STPG1: variants seen among roughly 807,000 people sequenced by gnomAD.
STPG1 encodes O(6)-methylguanine-induced apoptosis 2.
In STPG1, 33 loss-of-function variants were observed where a neutral mutation model predicts 40.1. The ratio of observed to expected loss-of-function variants is 0.82; its 90% CI spans 0.62 to 1.10. STPG1 has a LOEUF of 1.10. STPG1 is among the 50% of genes least tolerant of loss of function. The probability of loss-of-function intolerance (pLI) is 0.00; values close to 1 mark genes in which losing one functional copy is unlikely to be tolerated. For missense variants in STPG1, 396 were observed against 415.1 expected (o/e 0.95, Z 0.40); for synonymous variants, 150 against 155.0 (o/e 0.97, Z 0.24).
At chr1:24,378,583 A>AC (rs1282708303) in intron 5 of STPG1, among the ~76,000 whole-genome samples, 1 of 152,174 alleles carries the variant, frequency 6.6e-6, no homozygotes, top group Non-Finnish European at 1.5e-5. Flanking sequence ...TGCAGATTGC[A>AC]CCACTGCTCT....
chr1:24,383,745 C>A lies in STPG1; in HGVS notation c.291+157G>T. 2.1e-5 allele frequency: 12 copies of A among 583,512 alleles called. 1 individual carries two copies. In the South Asian group the frequency reaches 2.4e-4, roughly 12 times the overall value. 36.1% of individuals were successfully genotyped at this position (583,512 alleles called of 1,614,324 possible). On this transcript the variant is annotated intron_variant, in intron 4 of 8. Transcript: ENST00000337248. ...AAAAAGTTACTTAGAGACACAGGGTCCAATTTACTTGCATGAAATTTGAGG... is the reference window on the plus strand; with the variant it reads ...AAAAAGTTACTTAGAGACACAGGGTACAATTTACTTGCATGAAATTTGAGG...
At chr1:24,397,311 A>AT (rs1178641325) in intron 2 of STPG1, among the ~76,000 whole-genome samples, 1 of 152,210 alleles carries the variant, frequency 6.6e-6, no homozygotes, top group Non-Finnish European at 1.5e-5. Context: ...AAACCTGAAC[A>AT]AAACTATTAC....
chr1:24,367,471 AG>A (rs1226992503), intron 7 of STPG1, among the ~76,000 whole-genome samples: 1 of 152,228 alleles, frequency 6.6e-6, no homozygotes, highest in Non-Finnish European at 1.5e-5. Context: ...ATAGCCTAGT[AG>A]GTCTATAGGA....
chr1:24,396,299 C>CTATCTATCT (rs58386447), intron 2 of STPG1, among the ~76,000 whole-genome samples: 2 of 144,356 alleles, frequency 1.4e-5, no homozygotes, highest in African/African-American at 5.7e-5. Flanking sequence ...ATCTATCTAT[C>CTATCTATCT]ATCTATCTAT....
chr1:24,375,148 C>T lies in STPG1; in HGVS notation c.463-1338G>A, dbSNP rs76752799. On this transcript the variant is annotated intron_variant, in intron 5 of 8. Coordinates refer to ENST00000337248, the MANE Select transcript of STPG1 (RefSeq NM_001199013.2). The stretch of plus-strand genomic sequence containing the variant: ...AGAATTCTGGCCAACTCACGAAATA[C>T]ATTTGAGAGTGCGCGATGTGTTCAG... Among the ~76,000 whole-genome samples, 555 of 152,318 alleles carry T rather than the reference C, an allele frequency of 3.6e-3. 6 individuals are homozygous for T. The highest frequency in any genetic ancestry group is 0.012 in the African/African-American group (512 of 41,568).
chr1:24,370,244 T>C (rs1447019823), intron 6 of STPG1, among the ~76,000 whole-genome samples: 3 of 152,200 alleles, frequency 2.0e-5, no homozygotes, highest in Non-Finnish European at 4.4e-5. Flanking sequence ...AGAGTTGTTA[T>C]GACAGTTGAA....
chr1:24,383,062 T>C (rs1261855151), intron 4 of STPG1, among the ~76,000 whole-genome samples: 3 of 151,892 alleles, frequency 2.0e-5, no homozygotes, highest in Non-Finnish European at 4.4e-5. Flanking sequence ...TCGACACACA[T>C]CACCACTCCT....
intron 1 of STPG1, among the ~76,000 whole-genome samples, chr1:24,411,075 T>C (rs565387538): frequency 6.6e-6 from 1 of 152,304 alleles, no homozygotes; most frequent in Admixed American, 6.5e-5. Flanking sequence ...TATCCTGCAG[T>C]AGGCTTGTAT....
At chr1:24,379,884 G>C (rs1255566711) in intron 4 of STPG1, 61 bp from the exon 5 acceptor site, 2 of 1,541,930 alleles carry the variant, frequency 1.3e-6, no homozygotes, top group Non-Finnish European at 1.8e-6. Flanking sequence ...CTGAAGGACA[G>C]ATGTCAAAAA....
chr1:24,409,395 C>A (rs1283802906), intron 1 of STPG1, among the ~76,000 whole-genome samples: 1 of 152,156 alleles, frequency 6.6e-6, no homozygotes, highest in African/African-American at 2.4e-5. Flanking sequence ...TCATTTACCA[C>A]CCCTCAGTGT....
intron 3 of STPG1, among the ~76,000 whole-genome samples, chr1:24,388,614 G>A (rs1163601238): frequency 6.6e-6 from 1 of 152,188 alleles, no homozygotes; most frequent in Non-Finnish European, 1.5e-5. Context: ...GTGCTAAGGT[G>A]GGCCACAGGA....
chr1:24,387,128 G>A (rs149280939), intron 3 of STPG1, among the ~76,000 whole-genome samples: 1 of 152,316 alleles, frequency 6.6e-6, no homozygotes, highest in Non-Finnish European at 1.5e-5. Flanking sequence ...GCCTGTTGAA[G>A]TGCCCTGCGT....
In STPG1 at chr1:24,358,580, AG is replaced by A; in HGVS notation, c.967del (p.Leu323SerfsTer47). The A allele has an allele frequency of 6.2e-7, 1 of 1,614,114 alleles. No individual in the cohort carries two copies. On this transcript the variant is annotated frameshift_variant, in exon 9 of 9. Coordinates refer to ENST00000337248, the MANE Select transcript of STPG1 (RefSeq NM_001199013.2). LOFTEE classifies it high-confidence loss of function. ...GATCCATTTCTTGTCCTCGTTGTAG[AG>A]GAAGGACTGCTTTCCTGGAAGCTCT... ...KPELPGKQSF[L>X]YNEDKKWIPV... is the part of the protein sequence containing the mutation.
intron 4 of STPG1, among the ~76,000 whole-genome samples, chr1:24,381,970 T>G (rs1642305363): frequency 6.6e-6 from 1 of 152,212 alleles, no homozygotes; most frequent in Admixed American, 6.5e-5. Flanking sequence ...TACAGGACCT[T>G]AAGTGCTTAT....
At chr1:24,389,383 G>C (rs530300948) in intron 3 of STPG1, among the ~76,000 whole-genome samples, 1 of 152,038 alleles carries the variant, frequency 6.6e-6, no homozygotes, top group Non-Finnish European at 1.5e-5. Flanking sequence ...ACAGCTTTGC[G>C]GGCCACAAAG....
At position 24,362,433 on chromosome 1, in the gene STPG1, C is replaced by T. The variant is rs908023070; in HGVS notation, c.738-1392G>A. Among the ~76,000 whole-genome samples, 3 of 152,200 alleles carry T rather than the reference C, an allele frequency of 2.0e-5. No individual in the cohort carries two copies. The East Asian group carries it at 5.8e-4, about 29-fold the overall frequency. On this transcript the variant is annotated intron_variant, in intron 7 of 8. Coordinates refer to ENST00000337248, the MANE Select transcript of STPG1 (RefSeq NM_001199013.2). Reference sequence around the variant, plus strand: ...CACAAACCTGAGGCTGAATTCTAGTCATGCCACTTACTGGCTGTAAGACAA... The same window carrying T: ...CACAAACCTGAGGCTGAATTCTAGTTATGCCACTTACTGGCTGTAAGACAA...
intron 3 of STPG1, among the ~76,000 whole-genome samples, chr1:24,388,464 G>C (rs1318156322): frequency 1.3e-5 from 2 of 152,226 alleles, no homozygotes; most frequent in African/African-American, 4.8e-5. Context: ...ACTGAGCTCT[G>C]TGAAGGATTC....
chr1:24,408,362 A>C (rs952015802), intron 1 of STPG1, among the ~76,000 whole-genome samples: 2 of 152,222 alleles, frequency 1.3e-5, no homozygotes, highest in African/African-American at 4.8e-5. Context: ...GTATTTCCCC[A>C]GTCTTAGTTT....
At chr1:24,370,118 G>A (rs1231322628) in intron 6 of STPG1, among the ~76,000 whole-genome samples, 1 of 152,174 alleles carries the variant, frequency 6.6e-6, no homozygotes, top group East Asian at 1.9e-4. Context: ...CTCAGAGATT[G>A]TTAAATAATT....
Sources: allele counts gnomAD v4.1 joint callset (sites outside exome capture counted in the v4.1 genomes callset), GRCh38; gene constraint gnomAD v4.1.1; transcripts MANE v1.5; gene names NCBI Gene and HGNC (gene_info 2026-07-23, HGNC 2026-07-21).